Variants in IRAK1BP1 observed in about 807,000 individuals in gnomAD.
The protein encoded by IRAK1BP1 is interleukin-1 receptor-associated kinase 1-binding protein 1.
Under a neutral mutation model 28.0 loss-of-function variants are expected in IRAK1BP1, and 24 were observed. The observed-to-expected ratio is 0.86, with a 90% CI of 0.62 to 1.20. The LOEUF (loss-of-function observed/expected upper bound fraction) is 1.20. Among genes scored for constraint, IRAK1BP1 ranks in the 50% most tolerant of loss-of-function variants. The pLI, the probability that IRAK1BP1 is intolerant of heterozygous loss-of-function variation, is 0.00. For synonymous variants in IRAK1BP1, 131 were observed against 116.3 expected (o/e 1.13, Z -0.81); for missense variants, 336 against 316.7 (o/e 1.06, Z -0.46).
chr6:78,869,288 G>A (rs1032021413), intron 1 of IRAK1BP1, among the ~76,000 whole-genome samples: 1 of 152,206 alleles, frequency 6.6e-6, no homozygotes, highest in Non-Finnish European at 1.5e-5. Flanking sequence ...GGGAGGCCAA[G>A]GCAGGTGGAT....
In IRAK1BP1 at chr6:78,900,027, A is replaced by G. The variant is rs754940918; in HGVS notation, c.*1693A>G. 3.9e-5 allele frequency: 6 copies of G among 152,208 alleles called. No individual in the cohort carries two copies. Among genetic ancestry groups the G allele is most frequent in the Non-Finnish European group, 8.8e-5 (6 of 68,026 alleles). 9.4% of individuals were successfully genotyped at this position (152,208 alleles called of 1,614,324 possible). On this transcript the variant is annotated 3_prime_UTR_variant, in exon 4 of 4. Coordinates refer to ENST00000369940, the MANE Select transcript of IRAK1BP1 (RefSeq NM_001010844.4). ...ATTCACATACCCAGGTTGTTCTAGC[A>G]TGCCTAAAAAATCTTGTAACTGGAT...
chr6:78,977,277 C>CA, the IRAK1BP1 span, among the ~76,000 whole-genome samples: 1 of 149,642 alleles, frequency 6.7e-6, no homozygotes, highest in African/African-American at 2.5e-5. Flanking sequence ...ATTGCAAGAA[C>CA]AAAAAACCAA....
chr6:78,948,401 G>A (rs1773947332), downstream of IRAK1BP1, among the ~76,000 whole-genome samples: 1 of 152,252 alleles, frequency 6.6e-6, no homozygotes, highest in South Asian at 2.1e-4. Context: ...ACACACACGT[G>A]AAACAGGAAG....
At chr6:78,948,332 T>A (rs1012979757), downstream of IRAK1BP1, among the ~76,000 whole-genome samples, 4 of 152,258 alleles carry the variant, frequency 2.6e-5, no homozygotes, top group African/African-American at 9.6e-5. Flanking sequence ...GCATGTCACC[T>A]GAGATGTCTA....
At chr6:78,971,867 C>T in the IRAK1BP1 span, among the ~76,000 whole-genome samples, 11 of 152,150 alleles carry the variant, frequency 7.2e-5, no homozygotes, top group Admixed American at 2.6e-4. Flanking sequence ...GCACCTGGCT[C>T]GGAGGGTCCT....
At position 78,871,299 on chromosome 6, in the gene IRAK1BP1, C is replaced by A. The variant is rs115279633; in HGVS notation, c.315+3408C>A. On this transcript the variant is annotated intron_variant, in intron 1 of 3. Transcript: ENST00000369940. ...TGTTTCGGTCACTCAGGATGCATAT[C>A]TAAGTTCTAGTGCAAGAGAGGACTA... 2,021 of 985,190 alleles carry A rather than the reference C, an allele frequency of 2.1e-3. 26 individuals are homozygous for A. The African/African-American group carries it at 0.029, about 14-fold the overall frequency. 61.0% of individuals were successfully genotyped at this position (985,190 alleles called of 1,614,324 possible).
chr6:78,931,614 T>C (rs1245032998), intron 4 of IRAK1BP1, among the ~76,000 whole-genome samples: 1 of 152,246 alleles, frequency 6.6e-6, no homozygotes, highest in African/African-American at 2.4e-5. Flanking sequence ...AAATTATGTT[T>C]GTACCATACT....
chr6:78,936,788 T>C (rs1773285480), intron 4 of IRAK1BP1: 1 of 151,858 alleles, frequency 6.6e-6, no homozygotes, highest in African/African-American at 2.4e-5. Flanking sequence ...GTACTATACA[T>C]AGTTCGTAAT....
At chr6:78,971,770 C>T in the IRAK1BP1 span, among the ~76,000 whole-genome samples, 7 of 152,140 alleles carry the variant, frequency 4.6e-5, no homozygotes, top group Admixed American at 2.0e-4. Flanking sequence ...GGGTGACGGA[C>T]GGCACCTGGA....
chr6:78,938,261 G>A (rs4464748), intron 4 of IRAK1BP1: 2 of 151,480 alleles, frequency 1.3e-5, no homozygotes, highest in Non-Finnish European at 3.0e-5. Flanking sequence ...GTCCAAATAA[G>A]GTCATAAATA....
chr6:78,924,489 C>G (rs1285172267), intron 4 of IRAK1BP1, among the ~76,000 whole-genome samples: 1 of 152,152 alleles, frequency 6.6e-6, no homozygotes, highest in Non-Finnish European at 1.5e-5. Context: ...ATCAGAGGTA[C>G]AAAGAGGAGC....
chr6:78,931,434 G>C (rs1339299727), intron 4 of IRAK1BP1, among the ~76,000 whole-genome samples: 1 of 151,962 alleles, frequency 6.6e-6, no homozygotes, highest in Non-Finnish European at 1.5e-5. Context: ...AAGAAGTAGG[G>C]TATTTTACAC....
chr6:78,946,124 C>T (rs202098577), exon 5 of IRAK1BP1: 4 of 1,614,050 alleles, frequency 2.5e-6, no homozygotes, highest in Non-Finnish European at 3.4e-6. Flanking sequence ...GTTCGAACCA[C>T]AGAACTAGAT....
At chr6:78,871,890 G>T in intron 1 of IRAK1BP1, 1 of 523,650 alleles carries the variant, frequency 1.9e-6, no homozygotes, top group Non-Finnish European at 3.3e-6. Context: ...TCACATTTGT[G>T]TGCATGCAGG....
intron 4 of IRAK1BP1, among the ~76,000 whole-genome samples, chr6:78,926,052 G>A (rs1772882001): frequency 6.6e-6 from 1 of 151,974 alleles, no homozygotes; most frequent in Non-Finnish European, 1.5e-5. Context: ...AGGGTGGGAG[G>A]AGGGTGAAGA....
At chr6:78,954,616 T>C in the IRAK1BP1 span, among the ~76,000 whole-genome samples, 3 of 152,178 alleles carry the variant, frequency 2.0e-5, no homozygotes, top group African/African-American at 7.2e-5. Context: ...TCTTACAGTG[T>C]CTTCATTCAG....
chr6:78,880,453 AG>A (rs775933814), intron 1 of IRAK1BP1, among the ~76,000 whole-genome samples: 3 of 152,252 alleles, frequency 2.0e-5, no homozygotes, highest in Non-Finnish European at 4.4e-5. Context: ...ACAAACAAAA[AG>A]ATAAATTGTA....
the IRAK1BP1 span, among the ~76,000 whole-genome samples, chr6:78,967,901 G>A: frequency 6.6e-6 from 1 of 152,098 alleles, no homozygotes; most frequent in Non-Finnish European, 1.5e-5. Flanking sequence ...TTGGGAGGCT[G>A]AGGCGGGCGG....
intron 4 of IRAK1BP1, among the ~76,000 whole-genome samples, chr6:78,917,253 A>C (rs1772584233): frequency 6.6e-6 from 1 of 151,412 alleles, no homozygotes. Flanking sequence ...GAATTGAAAA[A>C]CTCACTTAAG....
Sources: gnomAD v4.1 joint callset for allele counts (sites outside exome capture counted in the v4.1 genomes callset) on GRCh38, gnomAD v4.1.1 for gene constraint, MANE v1.5 for transcripts, NCBI Gene and HGNC (gene_info 2026-07-23, HGNC 2026-07-21) for gene names.